SUPT3H: variants seen among roughly 807,000 people sequenced by gnomAD.
SUPT3H encodes the protein SPT3 homolog, SAGA and STAGA complex component.
SUPT3H carries 44 observed loss-of-function variants against 44.3 expected under a neutral mutation model. The ratio of observed to expected loss-of-function variants is 0.99; its 90% CI spans 0.78 to 1.28. SUPT3H has a LOEUF of 1.28. Ranked by LOEUF, SUPT3H falls within the 50% of genes most tolerant of loss-of-function variation. The pLI, the probability that SUPT3H is intolerant of heterozygous loss-of-function variation, is 0.00. For synonymous variants in SUPT3H, 124 were observed against 125.6 expected (o/e 0.99, Z 0.09); for missense variants, 380 against 387.1 (o/e 0.98, Z 0.15).
At chr6:44,824,103 C>T (rs530566035), downstream of SUPT3H, among the ~76,000 whole-genome samples, 56 of 152,298 alleles carry the variant, frequency 3.7e-4, no homozygotes, top group African/African-American at 1.3e-3. Context: ...GGATTAGGAA[C>T]GTGGGAAGTT....
At chr6:45,177,584 C>G (rs1254438253) in intron 2 of SUPT3H, among the ~76,000 whole-genome samples, 2 of 151,986 alleles carry the variant, frequency 1.3e-5, no homozygotes, top group South Asian at 4.2e-4. Flanking sequence ...CAAAGATACT[C>G]CTCGAGAAGA....
chr6:45,298,216 A>T (rs1358621358), intron 2 of SUPT3H, among the ~76,000 whole-genome samples: 1 of 152,232 alleles, frequency 6.6e-6, no homozygotes, highest in African/African-American at 2.4e-5. Context: ...AAGAACGAAT[A>T]GGAACACGAA....
intron 2 of SUPT3H, among the ~76,000 whole-genome samples, chr6:45,337,376 G>GA (rs997518899): frequency 1.9e-4 from 28 of 150,456 alleles, no homozygotes; most frequent in Non-Finnish European, 4.5e-5. Context: ...AGCATTCGAA[G>GA]AAAAAAAAGC....
At chr6:45,318,756 A>C (rs2150025228) in intron 2 of SUPT3H, among the ~76,000 whole-genome samples, 1 of 152,244 alleles carries the variant, frequency 6.6e-6, no homozygotes, top group South Asian at 2.1e-4. Flanking sequence ...ATTTTCAAAA[A>C]ACATGAATTT....
At chr6:45,156,196 A>G (rs532137443) in intron 2 of SUPT3H, among the ~76,000 whole-genome samples, 7 of 152,212 alleles carry the variant, frequency 4.6e-5, no homozygotes, top group Non-Finnish European at 1.0e-4. Context: ...CTCATTTTGC[A>G]TATGTAACTT....
intron 2 of SUPT3H, among the ~76,000 whole-genome samples, chr6:45,197,071 G>T (rs920500198): frequency 4.0e-5 from 6 of 151,670 alleles, no homozygotes; most frequent in Non-Finnish European, 1.5e-5. Flanking sequence ...GGAGGAAGAA[G>T]TTTCGTTTTA....
intron 2 of SUPT3H, among the ~76,000 whole-genome samples, chr6:45,154,808 T>G (rs56020888): frequency 6.6e-6 from 1 of 152,318 alleles, no homozygotes; most frequent in African/African-American, 2.4e-5. Context: ...AATTCCCCTG[T>G]GTTATACCTG....
intron 3 of SUPT3H, among the ~76,000 whole-genome samples, chr6:45,040,700 C>T (rs878948609): frequency 5.8e-4 from 89 of 152,248 alleles, no homozygotes; most frequent in Admixed American, 1.7e-3. Context: ...ATACTAATTA[C>T]CAATAATCCT....
rs189147345 is a variant in SUPT3H, at chr6:44,829,480, C to T, written c.*336G>A. On this transcript the variant is annotated 3_prime_UTR_variant, in exon 11 of 11. Transcript: ENST00000371459. The stretch of plus-strand genomic sequence containing the variant: ...TATATCAAATAAAATGCAGACAAAA[C>T]GCTGGACGGGGGCAACCACTGCTTT... The T allele has an allele frequency of 6.4e-4, 123 of 192,120 alleles. No homozygotes were observed. Among genetic ancestry groups the T allele is most frequent in the Middle Eastern group, 3.9e-3 (2 of 508 alleles). The allele number at this position is 192,120 out of a possible 1,614,324, so 11.9% of individuals were successfully genotyped here.
At chr6:44,972,049 C>A (rs550448452) in intron 6 of SUPT3H, among the ~76,000 whole-genome samples, 1 of 152,044 alleles carries the variant, frequency 6.6e-6, no homozygotes, top group Non-Finnish European at 1.5e-5. Context: ...GCTGGGATTA[C>A]AGGCATGAGC....
intron 11 of SUPT3H, among the ~76,000 whole-genome samples, chr6:44,816,003 C>G (rs1766884334): frequency 4.6e-5 from 7 of 151,812 alleles, no homozygotes; most frequent in Admixed American, 4.6e-4. Context: ...CTTAGAAAAC[C>G]TAAAGGAACT....
chr6:44,841,240 C>T (rs1177832754), intron 10 of SUPT3H, among the ~76,000 whole-genome samples: 2 of 152,124 alleles, frequency 1.3e-5, no homozygotes, highest in Admixed American at 6.5e-5. Context: ...TTAATAAGTT[C>T]CACCTTTTAA....
At chr6:45,076,776 A>C (rs1446253827) in intron 3 of SUPT3H, among the ~76,000 whole-genome samples, 1 of 152,096 alleles carries the variant, frequency 6.6e-6, no homozygotes, top group Non-Finnish European at 1.5e-5. Context: ...AGAAAATCCA[A>C]CCTATTGTCA....
At chr6:45,031,224 T>C (rs910751375) in intron 3 of SUPT3H, among the ~76,000 whole-genome samples, 2 of 152,182 alleles carry the variant, frequency 1.3e-5, no homozygotes, top group Non-Finnish European at 2.9e-5. Context: ...CTCACAAAGA[T>C]TAAAGGTTAT....
intron 10 of SUPT3H, among the ~76,000 whole-genome samples, chr6:44,889,933 C>T (rs535628933): frequency 0.026 from 3,709 of 144,322 alleles, 84 homozygotes; most frequent in South Asian, 0.062. Flanking sequence ...ACAAACAACC[C>T]CATCAAAAAG....
chr6:45,189,808 T>C (rs570632712), intron 2 of SUPT3H, among the ~76,000 whole-genome samples: 4 of 152,236 alleles, frequency 2.6e-5, no homozygotes, highest in Non-Finnish European at 5.9e-5. Flanking sequence ...GGAAAGCCAT[T>C]AATAACCCCA....
chr6:44,930,500 G>A (rs1480632275), intron 10 of SUPT3H, among the ~76,000 whole-genome samples: 1 of 145,092 alleles, frequency 6.9e-6, no homozygotes, highest in Admixed American at 7.2e-5. Flanking sequence ...GGAGGTAGAA[G>A]TTGCAGTGAG....
At chr6:44,974,856 C>T (rs1050964743) in intron 6 of SUPT3H, among the ~76,000 whole-genome samples, 3 of 152,160 alleles carry the variant, frequency 2.0e-5, no homozygotes, top group Non-Finnish European at 4.4e-5. Flanking sequence ...GAAAGCTACC[C>T]TACTGCTGCC....
At chr6:45,361,555 T>C (rs1355834517) in intron 2 of SUPT3H, 1 of 152,200 alleles carries the variant, frequency 6.6e-6, no homozygotes, top group African/African-American at 2.4e-5. Context: ...CTGAAAAGAT[T>C]TCACTTTCAA....
Sources: allele counts gnomAD v4.1 joint callset (sites outside exome capture counted in the v4.1 genomes callset), GRCh38; gene constraint gnomAD v4.1.1; transcripts MANE v1.5; gene names NCBI Gene and HGNC (gene_info 2026-07-23, HGNC 2026-07-21).